ASH1L: variants seen among roughly 807,000 people sequenced by gnomAD.
The protein encoded by ASH1L is histone-lysine N-methyltransferase ASH1L.
Under a neutral mutation model 269.0 loss-of-function variants are expected in ASH1L, and 23 were observed. The ratio of observed to expected loss-of-function variants is 0.09; its 90% confidence interval spans 0.06 to 0.12. ASH1L has a LOEUF of 0.12. Among genes scored for constraint, ASH1L ranks in the 10% least tolerant of loss-of-function variants. ASH1L has a pLI of 1.00. For missense variants in ASH1L, 2,912 were observed against 3,567.8 expected, an observed-to-expected ratio of 0.82 and a Z score of 4.68; for synonymous variants, 1,187 against 1,253.5, an observed-to-expected ratio of 0.95 and a Z score of 1.12.
intron 3 of ASH1L, among the ~76,000 whole-genome samples, chr1:155,467,558 T>C (rs1431980951): frequency 2.6e-5 from 4 of 152,188 alleles, no homozygotes; most frequent in African/African-American, 9.6e-5. Context: ...AATATACTTG[T>C]TTACTTTAAA....
intron 17 of ASH1L, among the ~76,000 whole-genome samples, chr1:155,350,309 A>G (rs1440434894): frequency 6.6e-6 from 1 of 152,196 alleles, no homozygotes; most frequent in East Asian, 1.9e-4. Context: ...GGCATGAGCC[A>G]CTGCGCCTGG....
chr1:155,335,831 C>T lies in ASH1L; in HGVS notation c.*1829G>A, dbSNP rs1204201338. On this transcript the variant is annotated 3_prime_UTR_variant, in exon 28 of 28. Transcript: ENST00000392403. ...TAAAGGAAACATTGAATTTTAATCTCTTTCTTGTCATTTTCTCGCTTTTGA... is the reference window on the plus strand; with the variant it reads ...TAAAGGAAACATTGAATTTTAATCTTTTTCTTGTCATTTTCTCGCTTTTGA... 1 of 152,120 alleles carries T rather than the reference C, an allele frequency of 6.6e-6. No homozygotes were observed. Among genetic ancestry groups the T allele is most frequent in the Non-Finnish European group, 1.5e-5 (1 of 67,920 alleles). 9.4% of individuals were successfully genotyped at this position (152,120 alleles called of 1,614,324 possible). A position where few individuals can be genotyped will look rare whatever the true frequency, so the allele number is the denominator to read the frequency against.
intron 2 of ASH1L, among the ~76,000 whole-genome samples, chr1:155,507,906 A>T (rs1334586017): frequency 6.6e-6 from 1 of 151,628 alleles, no homozygotes. Flanking sequence ...TTATGTATCC[A>T]CCATTTGTGC....
At chr1:155,515,661 C>G (rs1227118205) in intron 2 of ASH1L, among the ~76,000 whole-genome samples, 1 of 151,750 alleles carries the variant, frequency 6.6e-6, no homozygotes, top group African/African-American at 2.4e-5. Context: ...AACCTCATCT[C>G]TACTAAAAAT....
chr1:155,346,532 G>A, intron 20 of ASH1L, 63 bp from the exon 21 acceptor site: 1 of 1,433,036 alleles, frequency 7.0e-7, no homozygotes, highest in South Asian at 1.2e-5. Flanking sequence ...TGTCCTGGGA[G>A]CCCAGAATAA....
chr1:155,358,643 A>T (rs758362245), intron 13 of ASH1L: 2 of 151,542 alleles, frequency 1.3e-5, no homozygotes, highest in Non-Finnish European at 2.9e-5. Flanking sequence ...AGCCGAGATC[A>T]CGCCACTGCA....
chr1:155,451,460 C>T (rs1315069340), intron 4 of ASH1L, among the ~76,000 whole-genome samples: 1 of 152,032 alleles, frequency 6.6e-6, no homozygotes, highest in African/African-American at 2.4e-5. Flanking sequence ...TAACTGTACA[C>T]TTAGAAATGG....
At chr1:155,485,880 T>A (rs1259157188) in intron 2 of ASH1L, among the ~76,000 whole-genome samples, 1 of 152,094 alleles carries the variant, frequency 6.6e-6, no homozygotes, top group African/African-American at 2.4e-5. Flanking sequence ...GTGACAGGTA[T>A]CTAACTCTAG....
chr1:155,461,587 G>T (rs553270866), intron 3 of ASH1L, among the ~76,000 whole-genome samples: 6 of 151,888 alleles, frequency 4.0e-5, no homozygotes, highest in Non-Finnish European at 7.4e-5. Context: ...ACTGAATGTC[G>T]CAATGAAACA....
chr1:155,367,239 G>A (rs12755543), intron 12 of ASH1L, among the ~76,000 whole-genome samples: 3 of 152,074 alleles, frequency 2.0e-5, no homozygotes, highest in Admixed American at 6.6e-5. Context: ...TGATCCGCTC[G>A]CCTTGGCCTC....
Position 155,357,838 on chromosome 1 carries a change from A to G in ASH1L, c.6796-89T>C, listed in dbSNP as rs1042187789. The G allele has an allele frequency of 3.4e-5, 43 of 1,276,508 alleles. No individual in the cohort carries two copies. The African/African-American group carries it at 6.2e-4, about 18-fold the overall frequency. The allele number at this position is 1,276,508 out of a possible 1,614,324, so 79.1% of individuals were successfully genotyped here. On this transcript the variant is annotated intron_variant, in intron 13 of 27. Coordinates refer to ENST00000392403, the MANE Select transcript of ASH1L (RefSeq NM_018489.3). ...CAGGCTGAAGTACAATAGTATGATCATGGCTCACTGCAGTCTCAACCTCCT... is the reference window on the plus strand; with the variant it reads ...CAGGCTGAAGTACAATAGTATGATCGTGGCTCACTGCAGTCTCAACCTCCT...
chr1:155,446,626 CT>C (rs34042736), intron 4 of ASH1L, among the ~76,000 whole-genome samples: 52 of 116,854 alleles, frequency 4.4e-4, no homozygotes, highest in Middle Eastern at 4.7e-3. Flanking sequence ...TTTTTTTTTT[CT>C]TTTTTTTTTT....
chr1:155,410,460 C>T (rs1051705543), intron 6 of ASH1L, among the ~76,000 whole-genome samples: 1 of 152,044 alleles, frequency 6.6e-6, no homozygotes, highest in Non-Finnish European at 1.5e-5. Flanking sequence ...CCTGCCACTG[C>T]GCCCAGCTAA....
chr1:155,521,927 T>G (rs1240861408), intron 1 of ASH1L, among the ~76,000 whole-genome samples: 2 of 152,180 alleles, frequency 1.3e-5, no homozygotes, highest in African/African-American at 4.8e-5. Context: ...TCAAAATAAC[T>G]TTCATATATT....
intron 17 of ASH1L, among the ~76,000 whole-genome samples, chr1:155,351,717 G>A (rs542304430): frequency 6.6e-6 from 1 of 152,070 alleles, no homozygotes; most frequent in African/African-American, 2.4e-5. Context: ...AGGTGTGGTG[G>A]TGTGCGCCTG....
chr1:155,433,858 C>T (rs1359561312), intron 5 of ASH1L: 2 of 1,605,568 alleles, frequency 1.2e-6, no homozygotes, highest in Admixed American at 3.4e-5. Context: ...CAGAAACCCT[C>T]TTGCAGGCTC....
chr1:155,404,175 G>A (rs1173979792), intron 6 of ASH1L, among the ~76,000 whole-genome samples: 1 of 151,758 alleles, frequency 6.6e-6, no homozygotes, highest in African/African-American at 2.4e-5. Flanking sequence ...GGGCAACATA[G>A]AGAGACCCTG....
intron 2 of ASH1L, among the ~76,000 whole-genome samples, chr1:155,507,080 C>T (rs1667862167): frequency 1.3e-5 from 2 of 152,194 alleles, no homozygotes; most frequent in South Asian, 4.2e-4. Flanking sequence ...GTCAGGAGTT[C>T]GAAATGAGCC....
chr1:155,405,902 C>T (rs1659242362), intron 6 of ASH1L, among the ~76,000 whole-genome samples: 1 of 150,442 alleles, frequency 6.6e-6, no homozygotes, highest in African/African-American at 2.4e-5. Flanking sequence ...TGACCAAATA[C>T]TGTTAAGACA....
Sources: gnomAD v4.1 joint callset for allele counts (sites outside exome capture counted in the v4.1 genomes callset) on GRCh38, gnomAD v4.1.1 for gene constraint, MANE v1.5 for transcripts, NCBI Gene and HGNC (gene_info 2026-07-23, HGNC 2026-07-21) for gene names.